TXNRD1: variants seen among roughly 807,000 people sequenced by gnomAD.
TXNRD1 encodes thioredoxin reductase 1, cytoplasmic.
In TXNRD1, 57 loss-of-function variants were observed where a neutral mutation model predicts 80.3. That is an observed-to-expected ratio of 0.71 (90% CI 0.57 to 0.89). The LOEUF (loss-of-function observed/expected upper bound fraction) is 0.89. Among genes scored for constraint, TXNRD1 ranks in the 40% least tolerant of loss-of-function variants. The probability of loss-of-function intolerance (pLI) is 0.00; values close to 1 mark genes in which losing one functional copy is unlikely to be tolerated. For missense variants in TXNRD1, 730 were observed against 803.0 expected (o/e 0.91, Z 1.10); for synonymous variants, 291 against 285.2 (o/e 1.02, Z -0.20).
At chr12:104,346,561 A>C (rs2135902803) in intron 16 of TXNRD1, among the ~76,000 whole-genome samples, 1 of 152,290 alleles carries the variant, frequency 6.6e-6, no homozygotes. Flanking sequence ...CATTATAAAA[A>C]TGGAAAAGAA....
intron 1 of TXNRD1, among the ~76,000 whole-genome samples, chr12:104,246,516 C>G (rs897601028): frequency 1.7e-5 from 2 of 117,648 alleles, no homozygotes; most frequent in Non-Finnish European, 3.3e-5. Context: ...CATTTTATTG[C>G]TTTGTGATGG....
chr12:104,290,053 A>G (rs1338632914), intron 4 of TXNRD1, among the ~76,000 whole-genome samples: 1 of 152,240 alleles, frequency 6.6e-6, no homozygotes, highest in South Asian at 2.1e-4. Flanking sequence ...ACCACGATCC[A>G]TGTGATTTTT....
intron 4 of TXNRD1, among the ~76,000 whole-genome samples, chr12:104,293,667 G>T (rs967113797): frequency 6.6e-6 from 1 of 152,064 alleles, no homozygotes; most frequent in Non-Finnish European, 1.5e-5. Context: ...TCCAGTGTAG[G>T]GACCAGCCCC....
At chr12:104,252,956 C>T (rs1043263322) in intron 2 of TXNRD1, among the ~76,000 whole-genome samples, 1 of 151,720 alleles carries the variant, frequency 6.6e-6, no homozygotes, top group African/African-American at 2.4e-5. Flanking sequence ...CCTGCCTCGG[C>T]CTCCCAAAGT....
intron 1 of TXNRD1, among the ~76,000 whole-genome samples, chr12:104,218,114 G>A (rs1016628638): frequency 2.6e-5 from 4 of 151,282 alleles, no homozygotes; most frequent in Admixed American, 1.3e-4. Context: ...CACAATCTCC[G>A]CCTCCTGGGT....
intron 10 of TXNRD1, among the ~76,000 whole-genome samples, chr12:104,324,690 GT>G (rs2035694263): frequency 6.6e-6 from 1 of 152,130 alleles, no homozygotes; most frequent in African/African-American, 2.4e-5. Flanking sequence ...TCTGTAGGTT[GT>G]TGTTGACATC....
chr12:104,339,220 C>T lies in TXNRD1; in HGVS notation c.1828C>T (p.Leu610=). The T allele has an allele frequency of 6.2e-7, 1 of 1,613,930 alleles. No individual in the cohort carries two copies. Among genetic ancestry groups the T allele is most frequent in the East Asian group, 2.2e-5 (1 of 44,892 alleles). Reference sequence around the variant, plus strand: ...CTTTGCAGCTGCGCTCAAATGTGGACTGACCAAAAAGCAGCTGGACAGCAC... The same window carrying T: ...CTTTGCAGCTGCGCTCAAATGTGGATTGACCAAAAAGCAGCTGGACAGCAC... The part of the protein sequence containing the change: ...QGFAAALKCG[L]TKKQLDSTIG... Residue 610 remains leucine (L), a synonymous_variant, in exon 16 of 17, where the codon CTG becomes TTG. Transcript: ENST00000525566.
chr12:104,329,942 G>A (rs1040205633), intron 13 of TXNRD1, among the ~76,000 whole-genome samples: 5 of 152,106 alleles, frequency 3.3e-5, no homozygotes, highest in East Asian at 1.9e-4. Flanking sequence ...TTCCCTTCCC[G>A]CAGGGATCAC....
At chr12:104,274,545 A>G (rs2033717326) in intron 3 of TXNRD1, among the ~76,000 whole-genome samples, 1 of 151,908 alleles carries the variant, frequency 6.6e-6, no homozygotes, top group Non-Finnish European at 1.5e-5. Context: ...AAATACAAAA[A>G]AAAATTAGCT....
intron 4 of TXNRD1, among the ~76,000 whole-genome samples, chr12:104,296,206 A>G (rs1302087219): frequency 6.6e-6 from 1 of 152,146 alleles, no homozygotes; most frequent in Non-Finnish European, 1.5e-5. Flanking sequence ...GTCCTTGATG[A>G]GATGCTGTGG....
intron 4 of TXNRD1, among the ~76,000 whole-genome samples, chr12:104,292,604 G>A (rs1328634027): frequency 2.0e-5 from 3 of 150,736 alleles, no homozygotes; most frequent in South Asian, 2.1e-4. Flanking sequence ...CATGTTGGTC[G>A]GGCTGGTCTC....
At chr12:104,329,403 A>C (rs1234709247) in intron 13 of TXNRD1, among the ~76,000 whole-genome samples, 1 of 152,120 alleles carries the variant, frequency 6.6e-6, no homozygotes, top group Non-Finnish European at 1.5e-5. Flanking sequence ...GTAACCCAGC[A>C]CATTGGGAGG....
At chr12:104,323,878 C>G (rs1164200700) in intron 10 of TXNRD1, among the ~76,000 whole-genome samples, 2 of 152,120 alleles carry the variant, frequency 1.3e-5, no homozygotes, top group Non-Finnish European at 2.9e-5. Context: ...AGTTGTGGAC[C>G]CTTTTGAAAA....
chr12:104,253,436 AG>A (rs139881363), intron 2 of TXNRD1, among the ~76,000 whole-genome samples: 9,914 of 152,184 alleles, frequency 0.065, 437 homozygotes, highest in African/African-American at 0.11. Flanking sequence ...GGCAGAACAT[AG>A]GCTTAAGAAG....
At chr12:104,278,189 C>CTTT (rs202175579) in intron 3 of TXNRD1, among the ~76,000 whole-genome samples, 6 of 98,292 alleles carry the variant, frequency 6.1e-5, no homozygotes, top group Non-Finnish European at 9.8e-5. Flanking sequence ...TGATCAAATT[C>CTTT]TTTTTTTTTT....
intron 1 of TXNRD1, among the ~76,000 whole-genome samples, chr12:104,218,966 A>G (rs912708519): frequency 1.2e-4 from 18 of 151,848 alleles, no homozygotes; most frequent in African/African-American, 4.4e-4. Flanking sequence ...TTTTCTAGAG[A>G]TGGGTCTCAC....
At chr12:104,324,417 T>C (rs2035681749) in intron 10 of TXNRD1, among the ~76,000 whole-genome samples, 1 of 149,978 alleles carries the variant, frequency 6.7e-6, no homozygotes, top group Non-Finnish European at 1.5e-5. Flanking sequence ...AGTGGCGTGA[T>C]CTTGGCTCAC....
At chr12:104,250,391 A>T (rs2033093702) in intron 1 of TXNRD1, among the ~76,000 whole-genome samples, 1 of 152,246 alleles carries the variant, frequency 6.6e-6, no homozygotes, top group Non-Finnish European at 1.5e-5. Context: ...AAAGAAAAAG[A>T]TAAATTTGAC....
chr12:104,293,788 C>T (rs2034315993), intron 4 of TXNRD1, among the ~76,000 whole-genome samples: 1 of 152,144 alleles, frequency 6.6e-6, no homozygotes, highest in Admixed American at 6.5e-5. Flanking sequence ...CCGCTACCAC[C>T]AATGCGCGGA....
Sources: gnomAD v4.1 joint callset for allele counts (sites outside exome capture counted in the v4.1 genomes callset) on GRCh38, gnomAD v4.1.1 for gene constraint, MANE v1.5 for transcripts, NCBI Gene and HGNC (gene_info 2026-07-23, HGNC 2026-07-21) for gene names.